SCAI: variants seen among roughly 807,000 people sequenced by gnomAD.
SCAI encodes suppressor of cancer cell invasion, also known as protein SCAI.
In SCAI, 24 loss-of-function variants were observed where a neutral mutation model predicts 92.2. The observed-to-expected ratio is 0.26, with a 90% confidence interval of 0.19 to 0.37. The LOEUF (loss-of-function observed/expected upper bound fraction) is 0.37. Among genes scored for constraint, SCAI ranks in the 10% least tolerant of loss-of-function variants. The probability of loss-of-function intolerance (pLI) is 1.00; values close to 1 mark genes in which losing one functional copy is unlikely to be tolerated. For missense variants in SCAI, 450 were observed against 736.2 expected (o/e 0.61, Z 4.50); for synonymous variants, 261 against 258.6 (o/e 1.01, Z -0.09).
intron 15 of SCAI, among the ~76,000 whole-genome samples, chr9:124,973,105 A>G (rs1164654615): frequency 6.6e-6 from 1 of 152,216 alleles, no homozygotes; most frequent in African/African-American, 2.4e-5. Flanking sequence ...GAAGTTTATT[A>G]ATGTTTCATA....
chr9:125,130,592 C>A (rs546289372), intron 2 of SCAI, among the ~76,000 whole-genome samples: 5 of 152,056 alleles, frequency 3.3e-5, no homozygotes, highest in African/African-American at 1.2e-4. Flanking sequence ...CAGTTCACTG[C>A]AACCTCTACC....
intron 9 of SCAI, among the ~76,000 whole-genome samples, chr9:125,008,708 C>T (rs902066312): frequency 2.6e-5 from 4 of 152,076 alleles, no homozygotes; most frequent in African/African-American, 7.2e-5. Context: ...AACAGACACA[C>T]GTGGCACTGT....
At chr9:125,141,058 C>T (rs550476996) in intron 2 of SCAI, among the ~76,000 whole-genome samples, 9 of 152,040 alleles carry the variant, frequency 5.9e-5, no homozygotes, top group Non-Finnish European at 8.8e-5. Flanking sequence ...CATAAAATGA[C>T]GGATGAAAAA....
chr9:125,083,472 C>T (rs569014905), intron 2 of SCAI, among the ~76,000 whole-genome samples: 8 of 148,746 alleles, frequency 5.4e-5, no homozygotes, highest in Non-Finnish European at 8.9e-5. Context: ...GACCTGACAT[C>T]GCACCAATGC....
chr9:125,019,412 G>A (rs1224960748), intron 7 of SCAI, among the ~76,000 whole-genome samples: 8 of 151,936 alleles, frequency 5.3e-5, no homozygotes, highest in Non-Finnish European at 1.2e-4. Context: ...ATCAAATAAA[G>A]TCTTTACAGA....
intron 3 of SCAI, among the ~76,000 whole-genome samples, chr9:125,055,052 T>G (rs577982179): frequency 6.6e-6 from 1 of 152,198 alleles, no homozygotes; most frequent in Non-Finnish European, 1.5e-5. Flanking sequence ...AGATAAATTA[T>G]CTGGTTTAAA....
chr9:125,136,331 G>C (rs1348983115), intron 2 of SCAI, among the ~76,000 whole-genome samples: 1 of 151,388 alleles, frequency 6.6e-6, no homozygotes, highest in Non-Finnish European at 1.5e-5. Context: ...GACTGGTCTT[G>C]AACTCCTGGG....
intron 2 of SCAI, among the ~76,000 whole-genome samples, chr9:125,130,935 GCTTT>G (rs1835386431): frequency 1.1e-5 from 1 of 92,738 alleles, no homozygotes; most frequent in Admixed American, 1.1e-4. Flanking sequence ...GGTTTGAACC[GCTTT>G]TTTTTTTTTT....
At chr9:125,118,508 G>A (rs974472559) in intron 2 of SCAI, among the ~76,000 whole-genome samples, 172 of 98,950 alleles carry the variant, frequency 1.7e-3, no homozygotes, top group African/African-American at 4.4e-3. Flanking sequence ...CAGAGACCCT[G>A]TCTCAATAAA....
At chr9:125,059,076 C>T (rs1833725527) in intron 2 of SCAI, among the ~76,000 whole-genome samples, 1 of 152,208 alleles carries the variant, frequency 6.6e-6, no homozygotes, top group South Asian at 2.1e-4. Context: ...CTACACATTA[C>T]TTCCAAGGGA....
At chr9:125,007,457 G>A (rs1832534434) in intron 9 of SCAI, among the ~76,000 whole-genome samples, 1 of 152,070 alleles carries the variant, frequency 6.6e-6, no homozygotes, top group Non-Finnish European at 1.5e-5. Context: ...GGGAGGCTAG[G>A]GCAGAAGGAC....
At chr9:125,131,517 T>A (rs567925541) in intron 2 of SCAI, among the ~76,000 whole-genome samples, 2 of 152,164 alleles carry the variant, frequency 1.3e-5, no homozygotes, top group East Asian at 3.9e-4. Context: ...CACTCTACCC[T>A]CCAGGAAGCC....
intron 14 of SCAI, among the ~76,000 whole-genome samples, chr9:124,981,055 T>C (rs1831874807): frequency 6.6e-6 from 1 of 152,208 alleles, no homozygotes; most frequent in Non-Finnish European, 1.5e-5. Flanking sequence ...TTTGCAAGTT[T>C]TTGCAGAATA....
In SCAI at chr9:124,943,996, A is replaced by G. The variant is rs1011870161; in HGVS notation, c.*8811T>C. 20 of 152,346 alleles carry G rather than the reference A, an allele frequency of 1.3e-4. No individual in the cohort carries two copies. Among genetic ancestry groups the G allele is most frequent in the African/African-American group, 4.6e-4 (19 of 41,578 alleles). 9.4% of individuals were successfully genotyped at this position (152,346 alleles called of 1,614,324 possible). ...AGTTATTTTACTTGTAAACTCTACT[A>G]TGAAAATGTTAGGACTTTGTATTTG... On this transcript the variant is annotated 3_prime_UTR_variant, in exon 18 of 18. Coordinates refer to ENST00000336505, the MANE Select transcript of SCAI (RefSeq NM_001144877.3).
intron 2 of SCAI, among the ~76,000 whole-genome samples, chr9:125,092,818 T>C (rs1420203851): frequency 6.6e-6 from 1 of 152,210 alleles, no homozygotes; most frequent in East Asian, 1.9e-4. Context: ...CTACTCTCCT[T>C]CACAGCATTA....
intron 3 of SCAI, among the ~76,000 whole-genome samples, chr9:125,042,336 A>G (rs1307477499): frequency 1.3e-5 from 2 of 152,120 alleles, no homozygotes; most frequent in East Asian, 1.9e-4. Context: ...TGTTTCAAAT[A>G]TAACGTTGAG....
At chr9:125,078,874 A>G (rs764873390) in intron 2 of SCAI, among the ~76,000 whole-genome samples, 5 of 152,210 alleles carry the variant, frequency 3.3e-5, no homozygotes, top group African/African-American at 4.8e-5. Context: ...ACTGTACTCC[A>G]GCCTGGGGGA....
chr9:124,961,772 C>A (rs746229839), intron 17 of SCAI, among the ~76,000 whole-genome samples: 1 of 152,016 alleles, frequency 6.6e-6, no homozygotes, highest in Non-Finnish European at 1.5e-5. Context: ...TGAGCCCCCT[C>A]CCTAACACAG....
At chr9:125,089,686 TG>T (rs11291685) in intron 2 of SCAI, among the ~76,000 whole-genome samples, 3,502 of 151,284 alleles carry the variant, frequency 0.023, 145 homozygotes, top group African/African-American at 0.081. Context: ...GGTTTGGGGT[TG>T]GGGGGGGCAG....
Sources: allele counts gnomAD v4.1 joint callset (sites outside exome capture counted in the v4.1 genomes callset), GRCh38; gene constraint gnomAD v4.1.1; transcripts MANE v1.5; gene names NCBI Gene and HGNC (gene_info 2026-07-23, HGNC 2026-07-21).